Variants in EPOR observed in about 807,000 individuals in gnomAD.
EPOR encodes erythropoietin receptor.
In EPOR, 20 loss-of-function variants were observed where a neutral mutation model predicts 34.3. The observed-to-expected ratio is 0.58, with a 90% CI of 0.41 to 0.85. The LOEUF is 0.85. Among genes scored for constraint, EPOR ranks in the 40% least tolerant of loss-of-function variants. EPOR has a pLI of 0.00. For missense variants in EPOR, 601 were observed against 672.7 expected, an observed-to-expected ratio of 0.89 and a Z score of 1.18; for synonymous variants, 312 against 299.0, an observed-to-expected ratio of 1.04 and a Z score of -0.45.
chr19:11,380,927 T>C lies in EPOR; in HGVS notation c.784A>G (p.Ile262Val). 1 of 1,551,972 alleles carries C rather than the reference T, an allele frequency of 6.4e-7. No homozygotes were observed. The highest frequency in any genetic ancestry group is 8.7e-7 in the Non-Finnish European group (1 of 1,147,076). Residue 262 changes from isoleucine (I) to valine (V), a missense_variant, in exon 6 of 8, where the codon ATC becomes GTC. Coordinates refer to ENST00000222139, the MANE Select transcript of EPOR (RefSeq NM_000121.4). ...ILTLSLILVVILVLLTVLALL... is the reference protein window; with the variant it reads ...ILTLSLILVVVLVLLTVLALL... ...GCGAGCACGGTCAGCAGCACCAGGATGACCACGAGGATGAGGGAGAGCGTC... is the reference window on the plus strand; with the variant it reads ...GCGAGCACGGTCAGCAGCACCAGGACGACCACGAGGATGAGGGAGAGCGTC...
chr19:11,380,782 C>T, intron 6 of EPOR, 102 bp downstream of exon 6: 1 of 937,610 alleles, frequency 1.1e-6, no homozygotes, highest in Non-Finnish European at 1.7e-6. Context: ...TACTGCGTGA[C>T]CTTGGGCAAG....
rs1968346945 is a variant in EPOR at position 11,380,964 on chromosome 19, G to C, written c.747C>G (p.Asp249Glu). The C allele has an allele frequency of 6.4e-7, 1 of 1,553,110 alleles. No individual in the cohort carries two copies. The highest frequency in any genetic ancestry group is 2.4e-5 in the East Asian group (1 of 41,162). Residue 249 changes from aspartate to glutamate, a missense_variant, in exon 6 of 8, where the codon GAC becomes GAG. Transcript: ENST00000222139. ...TGAGGGAGAGCGTCAGGATGAGGGG[G>C]TCCAGGTCTAAGAGGCGGGGAGGAG... Reference protein sequence around the residue: ...PVSLLTPSDLDPLILTLSLIL... With the variant: ...PVSLLTPSDLEPLILTLSLIL...
At chr19:11,380,055 C>G (rs573533901) in intron 6 of EPOR, among the ~76,000 whole-genome samples, 1 of 152,242 alleles carries the variant, frequency 6.6e-6, no homozygotes, top group African/African-American at 2.4e-5. Flanking sequence ...ATTCCCACCT[C>G]AGGGCCTTTG....
rs1295919713 is a variant in EPOR at position 11,377,531 on chromosome 19, C to T, written c.*453G>A. 2.2e-6 allele frequency: 1 copy of T among 454,318 alleles called. No individual in the cohort carries two copies. The highest frequency in any genetic ancestry group is 6.9e-5 in the East Asian group (1 of 14,424). 28.1% of individuals were successfully genotyped at this position (454,318 alleles called of 1,614,324 possible). On this transcript the variant is annotated 3_prime_UTR_variant, in exon 8 of 8. Transcript: ENST00000222139. ...GGAAGAGTCTGAACCTCTGACTCAT[C>T]CCATGGATGGCTGCCCATTTGAGCT...
In EPOR at chr19:11,384,261, C is replaced by G; in HGVS notation, c.-54G>C. ...GGCTCCTGCCCCTCCGTCCCCCGCC[C>G]CCGGCACAGTCCACAGCTGGGTCAG... On this transcript the variant is annotated 5_prime_UTR_variant, in exon 1 of 8. Transcript: ENST00000222139. 1 of 1,225,302 alleles carries G rather than the reference C, an allele frequency of 8.2e-7. No individual in the cohort carries two copies. The highest frequency in any genetic ancestry group is 1.2e-6 in the Non-Finnish European group (1 of 862,390). The allele number at this position is 1,225,302 out of a possible 1,614,324, so 75.9% of individuals were successfully genotyped here.
Position 11,383,374 on chromosome 19 carries a change from G to A in EPOR, c.116-142C>T. 1.2e-6 allele frequency: 1 copy of A among 837,856 alleles called. No homozygotes were observed. The highest frequency in any genetic ancestry group is 1.9e-5 in the South Asian group (1 of 52,950). The allele number at this position is 837,856 out of a possible 1,614,324, so 51.9% of individuals were successfully genotyped here. On this transcript the variant is annotated intron_variant, in intron 1 of 7. Transcript: ENST00000222139. The surrounding 1 kb of genome is among the most constrained non-coding windows in gnomAD (Gnocchi z 4.9). ...GCCATCTTCCCAAGCGGGTCCCTTG[G>A]AGGGGTCCGCAGAGGTGGTGCCCCC...
rs1455268226 is a variant in EPOR at position 11,381,074 on chromosome 19, A to G, written c.721T>C (p.Ser241Pro). The G allele has an allele frequency of 1.2e-6, 2 of 1,602,254 alleles. No individual in the cohort carries two copies. The change falls in exon 5 of 8, where the codon TCG (serine) becomes CCG (proline). Residue 241 changes from serine to proline, a missense_variant. By Grantham distance (74) the Ser-to-Pro change is moderately conservative (BLOSUM62 -1). Transcript: ENST00000222139. This position sits in a 1 kb window ranked among gnomAD's most constrained non-coding sequence, Gnocchi z 5.3. ...GFWSAWSEPVSLLTPSDLDPL... is the reference protein window; with the variant it reads ...GFWSAWSEPVPLLTPSDLDPL... ...GCCTCACCGCTAGGCGTCAGCAGCG[A>G]CACAGGCTCCGACCAGGCGCTCCAG...
chr19:11,380,874 G>A lies in EPOR; in HGVS notation c.827+10C>T, dbSNP rs1374409851. 6.5e-7 allele frequency: 1 copy of A among 1,549,160 alleles called. No individual in the cohort carries two copies. The highest frequency in any genetic ancestry group is 1.2e-5 in the South Asian group (1 of 84,024). On this transcript the variant is annotated intron_variant, in intron 6 of 7. Transcript: ENST00000222139. ...GGAGTCTGGGCCCAGCGCCCAAATGGGGAGCTCACCGGCGGTGGGAGAGCA... is the reference window on the plus strand; with the variant it reads ...GGAGTCTGGGCCCAGCGCCCAAATGAGGAGCTCACCGGCGGTGGGAGAGCA...
Position 11,381,152 on chromosome 19 carries a change from G to C in EPOR, c.643C>G (p.Arg215Gly). The C allele has an allele frequency of 6.4e-7, 1 of 1,558,100 alleles. No individual in the cohort carries two copies. The highest frequency in any genetic ancestry group is 8.7e-7 in the Non-Finnish European group (1 of 1,151,394). Reference protein sequence around the residue: ...CVLSNLRGRTRYTFAVRARMA... With the variant: ...CVLSNLRGRTGYTFAVRARMA... Reference sequence around the variant, plus strand: ...CGCGCGCGGACGGCGAAGGTGTAGCGCGTCCGGCCCCGCAGGTTGCTCAGC... The same window carrying C: ...CGCGCGCGGACGGCGAAGGTGTAGCCCGTCCGGCCCCGCAGGTTGCTCAGC... The change falls in exon 5 of 8, where the codon CGC (arginine) becomes GGC (glycine). Residue 215 changes from arginine to glycine, a missense_variant. Physicochemically the swap from Arg to Gly is moderately radical, Grantham distance 125 (BLOSUM62 -2). Transcript: ENST00000222139. This position sits in a 1 kb window ranked among gnomAD's most constrained non-coding sequence, Gnocchi z 5.3.
rs1968291831 is a variant in EPOR, at chr19:11,377,227, T to C, written c.*757A>G. On this transcript the variant is annotated 3_prime_UTR_variant, in exon 8 of 8. Coordinates refer to ENST00000222139, the MANE Select transcript of EPOR (RefSeq NM_000121.4). ...ATGGCCTGATTCAGAATTACTTTTA[T>C]TATTATTAGTGGCAGAGACTAGCTA... is the stretch of plus-strand genomic sequence containing the variant. 1 of 453,792 alleles carries C rather than the reference T, an allele frequency of 2.2e-6. No homozygotes were observed. Among genetic ancestry groups the C allele is most frequent in the East Asian group, 6.9e-5 (1 of 14,400 alleles). 28.1% of individuals were successfully genotyped at this position (453,792 alleles called of 1,614,324 possible). A position where few individuals can be genotyped will look rare whatever the true frequency, so the allele number is the denominator to read the frequency against.
rs778504065 is a variant in EPOR at position 11,383,019 on chromosome 19, T to C, written c.251+78A>G. Reference sequence around the variant, plus strand: ...GTCGGGCCTCAAACAGCAGGGGACATACGAGGCTACGACCTCCAGGGAGCT... The same window carrying C: ...GTCGGGCCTCAAACAGCAGGGGACACACGAGGCTACGACCTCCAGGGAGCT... On this transcript the variant is annotated intron_variant, in intron 2 of 7. Coordinates refer to ENST00000222139, the MANE Select transcript of EPOR (RefSeq NM_000121.4). This position sits in a 1 kb window ranked among gnomAD's most constrained non-coding sequence, Gnocchi z 4.9. 2.5e-6 allele frequency: 4 copies of C among 1,607,358 alleles called. No individual in the cohort carries two copies. The East Asian group carries it at 6.7e-5, about 27-fold the overall frequency.
Position 11,381,711 on chromosome 19 carries a change from C to T in EPOR, c.566G>A (p.Gly189Asp), listed in dbSNP as rs771235530. Residue 189 changes from glycine (G) to aspartate (D), a missense_variant, in exon 4 of 8, where the codon GGC (glycine) becomes GAC (aspartate). Gly to Asp is a moderately conservative substitution (Grantham distance 94). Coordinates refer to ENST00000222139, the MANE Select transcript of EPOR (RefSeq NM_000121.4). The surrounding 1 kb of genome is among the most constrained non-coding windows in gnomAD (Gnocchi z 5.3). ...CCTCACCCTCTGTACGCTCCCTGCG[C>T]CGTTGCCGGCCGAGACGTCCACCTC... Reference protein sequence around the residue: ...RYEVDVSAGNGAGSVQRVEIL... With the variant: ...RYEVDVSAGNDAGSVQRVEIL... The T allele has an allele frequency of 4.3e-6, 7 of 1,609,466 alleles. No individual in the cohort carries two copies. The South Asian group carries it at 6.6e-5, about 15-fold the overall frequency.
chr19:11,383,263 G>A lies in EPOR; in HGVS notation c.116-31C>T, dbSNP rs747539873. The A allele has an allele frequency of 9.6e-6, 15 of 1,559,330 alleles. No homozygotes were observed. The highest frequency in any genetic ancestry group is 1.3e-5 in the Non-Finnish European group (15 of 1,156,146). The stretch of plus-strand genomic sequence containing the variant: ...GAGGGGCGACAAAGGAAGGGCATGG[G>A]GGTCTGAGCTCTATCCTCGGGAGAC... On this transcript the variant is annotated intron_variant, in intron 1 of 7. Coordinates refer to ENST00000222139, the MANE Select transcript of EPOR (RefSeq NM_000121.4). The surrounding 1 kb of genome is among the most constrained non-coding windows in gnomAD (Gnocchi z 4.9).
At position 11,377,573 on chromosome 19, in the gene EPOR, A is replaced by G. The variant is rs1968297061; in HGVS notation, c.*411T>C. 2.2e-6 allele frequency: 1 copy of G among 455,858 alleles called. No homozygotes were observed. The allele number at this position is 455,858 out of a possible 1,614,324, so 28.2% of individuals were successfully genotyped here. A position where few individuals can be genotyped will look rare whatever the true frequency, so the allele number is the denominator to read the frequency against. On this transcript the variant is annotated 3_prime_UTR_variant, in exon 8 of 8. Coordinates refer to ENST00000222139, the MANE Select transcript of EPOR (RefSeq NM_000121.4). ...ATTTGAGCTGAGTTAGGAGAGAGAA[A>G]TCATTTAATGTGGTAAGCCAGTAAG...
Position 11,381,078 on chromosome 19 carries a change from A to G in EPOR, c.717T>C (p.Pro239=). The stretch of plus-strand genomic sequence containing the variant: ...CACCGCTAGGCGTCAGCAGCGACAC[A>G]GGCTCCGACCAGGCGCTCCAGAAGC... ...FGGFWSAWSE[P]VSLLTPSDLD... The change falls in exon 5 of 8, where the codon CCT becomes CCC. Residue 239 remains proline, a synonymous_variant. Coordinates refer to ENST00000222139, the MANE Select transcript of EPOR (RefSeq NM_000121.4). The surrounding 1 kb of genome is among the most constrained non-coding windows in gnomAD (Gnocchi z 5.3). 1.2e-6 allele frequency: 2 copies of G among 1,601,660 alleles called. No individual in the cohort carries two copies. Among genetic ancestry groups the G allele is most frequent in the South Asian group, 1.1e-5 (1 of 89,012 alleles).
At chr19:11,379,573 CA>C (rs113780625) in intron 6 of EPOR, among the ~76,000 whole-genome samples, 30,661 of 141,050 alleles carry the variant, frequency 0.22, 5,616 homozygotes, top group African/African-American at 0.51. Flanking sequence ...GACTCTGTCT[CA>C]AAAAAAAAAA....
rs768211482 is a variant in EPOR, at chr19:11,380,968, A to C, written c.743T>G (p.Leu248Arg). The C allele has an allele frequency of 2.1e-5, 32 of 1,553,000 alleles. No homozygotes were observed. The African/African-American group carries it at 3.8e-4, about 19-fold the overall frequency. The change falls in exon 6 of 8, where the codon CTG becomes CGG. Residue 248 changes from leucine (L) to arginine (R), a missense_variant. By Grantham distance (102) the Leu-to-Arg change is moderately radical (BLOSUM62 -2). Transcript: ENST00000222139. ...EPVSLLTPSD[L>R]DPLILTLSLI... ...GGAGAGCGTCAGGATGAGGGGGTCC[A>C]GGTCTAAGAGGCGGGGAGGAGGTCA...
At position 11,378,575 on chromosome 19, in the gene EPOR, A is replaced by G. The variant is rs767335554; in HGVS notation, c.936T>C (p.Asp312=). ...TGCAGGGGCTCCACCACAGGCAGCC[A>G]TCATTCTGGTACAGCCACAGCTGAA... ...GNFQLWLYQN[D]GCLWWSPCTP... The change falls in exon 8 of 8, where the codon GAT becomes GAC. Residue 312 remains aspartate, a synonymous_variant. Transcript: ENST00000222139. This position sits in a 1 kb window ranked among gnomAD's most constrained non-coding sequence, Gnocchi z 5.3. 2.5e-6 allele frequency: 4 copies of G among 1,614,056 alleles called. No homozygotes were observed. In the East Asian group the frequency reaches 6.7e-5, roughly 27 times the overall value.
rs1366705598 is a variant in EPOR at position 11,378,639 on chromosome 19, G to T, written c.916-44C>A. 6.8e-6 allele frequency: 11 copies of T among 1,614,030 alleles called. No individual in the cohort carries two copies. The Admixed American group carries it at 1.8e-4, about 27-fold the overall frequency. The stretch of plus-strand genomic sequence containing the variant: ...CCTGCTCAGAGAGGCCTGCAGTTTG[G>T]CTGCAAGAAGCAGGGAAGCCCAGGC... On this transcript the variant is annotated intron_variant, in intron 7 of 7. Transcript: ENST00000222139. This position sits in a 1 kb window ranked among gnomAD's most constrained non-coding sequence, Gnocchi z 5.3.
Sources: gnomAD v4.1 joint callset for allele counts (sites outside exome capture counted in the v4.1 genomes callset) on GRCh38, gnomAD v4.1.1 for gene constraint, Gnocchi (gnomAD v3.1) non-coding constraint, MANE v1.5 for transcripts, NCBI Gene and HGNC (gene_info 2026-07-23, HGNC 2026-07-21) for gene names.